PTPRD: variants seen among roughly 807,000 people sequenced by gnomAD.
The protein encoded by PTPRD is protein tyrosine phosphatase receptor type D.
A neutral mutation model predicts 214.5 loss-of-function variants in PTPRD; 34 were observed. That is an observed-to-expected ratio of 0.16 (90% CI 0.12 to 0.21). PTPRD has a LOEUF of 0.21. Among genes scored for constraint, PTPRD ranks in the 10% least tolerant of loss-of-function variants. PTPRD has a pLI of 1.00. For missense variants in PTPRD, 2,545 were observed against 2,398.7 expected (o/e 1.06, Z -1.27); for synonymous variants, 1,128 against 845.7 (o/e 1.33, Z -5.79).
intron 8 of PTPRD, among the ~76,000 whole-genome samples, chr9:9,558,418 G>A (rs1257367223): frequency 1.3e-5 from 2 of 152,100 alleles, no homozygotes; most frequent in Non-Finnish European, 2.9e-5. Flanking sequence ...CCACCCCTTT[G>A]GCCGAGGGAG....
chr9:8,928,851 T>A (rs908032353), intron 11 of PTPRD, among the ~76,000 whole-genome samples: 1 of 152,188 alleles, frequency 6.6e-6, no homozygotes, highest in Non-Finnish European at 1.5e-5. Context: ...TTTGTTTGTG[T>A]CCTCTCTTAT....
At position 8,852,578 on chromosome 9, in the gene PTPRD, G is replaced by A. The variant is rs114473087; in HGVS notation, c.-103-118632C>T. On this transcript the variant is annotated intron_variant, in intron 11 of 45. Coordinates refer to ENST00000381196, the MANE Select transcript of PTPRD (RefSeq NM_002839.4). ...GGTTTGCTCGTCGCAGGTGAAGAGGGAAGAACATAAGTTGTCTCAATACTA... is the reference window on the plus strand; with the variant it reads ...GGTTTGCTCGTCGCAGGTGAAGAGGAAAGAACATAAGTTGTCTCAATACTA... Among the ~76,000 whole-genome samples, 1,492 of 152,264 alleles carry A rather than the reference G, an allele frequency of 9.8e-3. 27 individuals carry two copies. The highest frequency in any genetic ancestry group is 0.034 in the African/African-American group (1,420 of 41,546).
At chr9:8,953,985 G>A (rs749726489) in intron 11 of PTPRD, among the ~76,000 whole-genome samples, 3 of 151,916 alleles carry the variant, frequency 2.0e-5, no homozygotes, top group East Asian at 1.9e-4. Context: ...CAGGAATCCC[G>A]TTACTAGTTA....
intron 10 of PTPRD, among the ~76,000 whole-genome samples, chr9:9,142,134 G>T (rs1183104067): frequency 6.6e-6 from 1 of 152,234 alleles, no homozygotes; most frequent in Non-Finnish European, 1.5e-5. Context: ...ACAAGTGTGG[G>T]TTGTGGACAG....
chr9:10,611,138 G>A (rs986110297), intron 2 of PTPRD, among the ~76,000 whole-genome samples: 10 of 152,062 alleles, frequency 6.6e-5, no homozygotes, highest in African/African-American at 1.9e-4. Context: ...TTATTAAAAA[G>A]TATGTATTAT....
intron 7 of PTPRD, among the ~76,000 whole-genome samples, chr9:9,726,134 A>C (rs552983654): frequency 6.6e-6 from 1 of 152,334 alleles, no homozygotes; most frequent in East Asian, 1.9e-4. Flanking sequence ...ACATTGCTAT[A>C]ATACCAAGAA....
At chr9:8,993,892 G>A (rs2099386872) in intron 11 of PTPRD, among the ~76,000 whole-genome samples, 1 of 152,076 alleles carries the variant, frequency 6.6e-6, no homozygotes, top group African/African-American at 2.4e-5. Context: ...GTAAACATGA[G>A]CAAATGACAA....
chr9:8,718,220 G>A (rs986869177), intron 12 of PTPRD, among the ~76,000 whole-genome samples: 4 of 152,154 alleles, frequency 2.6e-5, no homozygotes, highest in African/African-American at 9.7e-5. Flanking sequence ...AAGCAATCTA[G>A]TGGCCTGAGT....
intron 9 of PTPRD, among the ~76,000 whole-genome samples, chr9:9,186,629 TCC>T (rs1229612280): frequency 5.8e-5 from 3 of 51,842 alleles, no homozygotes; most frequent in East Asian, 4.4e-4. Flanking sequence ...TCTCTGTCTC[TCC>T]CTCTCTCTCT....
chr9:9,981,426 C>A (rs1178596800), intron 4 of PTPRD, among the ~76,000 whole-genome samples: 1 of 150,176 alleles, frequency 6.7e-6, no homozygotes, highest in African/African-American at 2.5e-5. Flanking sequence ...ACGATCTCGG[C>A]TCAGTGCAAG....
At chr9:9,677,706 A>G (rs1211971079) in intron 7 of PTPRD, among the ~76,000 whole-genome samples, 1 of 152,046 alleles carries the variant, frequency 6.6e-6, no homozygotes, top group African/African-American at 2.4e-5. Context: ...ATAGTGTTGG[A>G]AGTTCTGGCC....
intron 11 of PTPRD, among the ~76,000 whole-genome samples, chr9:8,882,387 C>T (rs1320631825): frequency 6.6e-6 from 1 of 152,164 alleles, no homozygotes; most frequent in Non-Finnish European, 1.5e-5. Context: ...TTGTAGACCA[C>T]AGTTTTGTAG....
Position 8,317,042 on chromosome 9 carries a change from A to T in PTPRD, c.*832T>A, listed in dbSNP as rs899342844. 59 of 231,612 alleles carry T rather than the reference A, an allele frequency of 2.5e-4. 3 individuals carry two copies. Among genetic ancestry groups the T allele is most frequent in the South Asian group, 1.8e-4 (1 of 5,514 alleles). 14.3% of individuals were successfully genotyped at this position (231,612 alleles called of 1,614,324 possible). A position where few individuals can be genotyped will look rare whatever the true frequency, so the allele number is the denominator to read the frequency against. On this transcript the variant is annotated 3_prime_UTR_variant, in exon 46 of 46. Coordinates refer to ENST00000381196, the MANE Select transcript of PTPRD (RefSeq NM_002839.4). ...CTGTTGATTCCAAAAACAAAACAAAATAATAATTATCTTTGATTATTTGAA... is the reference window on the plus strand; with the variant it reads ...CTGTTGATTCCAAAAACAAAACAAATTAATAATTATCTTTGATTATTTGAA...
At position 8,404,600 on chromosome 9, in the gene PTPRD, T is replaced by G; in HGVS notation, c.4147A>C (p.Lys1383Gln). The G allele has an allele frequency of 6.2e-7, 1 of 1,613,692 alleles. No homozygotes were observed. Among genetic ancestry groups the G allele is most frequent in the Non-Finnish European group, 8.5e-7 (1 of 1,179,684 alleles). Residue 1383 changes from lysine (K) to glutamine (Q), a missense_variant, in exon 36 of 46, where the codon AAG becomes CAG. Coordinates refer to ENST00000381196, the MANE Select transcript of PTPRD (RefSeq NM_002839.4). ...GCGATTACATTCGCGTATCTATTCT[T>G]TGGTTTGTTTACTTCCAAGTTTGAA... ...EHSNLEVNKP[K>Q]NRYANVIAYD...
chr9:8,504,046 G>C (rs1480530387), intron 23 of PTPRD, among the ~76,000 whole-genome samples: 1 of 152,154 alleles, frequency 6.6e-6, no homozygotes, highest in Non-Finnish European at 1.5e-5. Context: ...AAGTCTTTCA[G>C]TGTAGGAAGT....
chr9:10,251,474 T>C (rs1319392891), intron 3 of PTPRD, among the ~76,000 whole-genome samples: 3 of 152,116 alleles, frequency 2.0e-5, no homozygotes, highest in Admixed American at 6.6e-5. Context: ...TGTATCTTCA[T>C]TTCGAGTTAT....
At chr9:8,716,158 G>C (rs1324980146) in intron 12 of PTPRD, among the ~76,000 whole-genome samples, 1 of 152,184 alleles carries the variant, frequency 6.6e-6, no homozygotes, top group African/African-American at 2.4e-5. Flanking sequence ...CTTGACTCCA[G>C]AGGATGGATG....
intron 5 of PTPRD, among the ~76,000 whole-genome samples, chr9:9,786,557 T>C (rs973199223): frequency 6.6e-6 from 1 of 152,168 alleles, no homozygotes; most frequent in African/African-American, 2.4e-5. Context: ...TAAATCACAG[T>C]GGACATTCCC....
In PTPRD at chr9:9,866,153, A is replaced by C. The variant is rs1002319466; in HGVS notation, c.-368+72354T>G. Among the ~76,000 whole-genome samples, 28 of 152,194 alleles carry C rather than the reference A, an allele frequency of 1.8e-4. 1 individual carries two copies. Among genetic ancestry groups the C allele is most frequent in the African/African-American group, 5.1e-4 (21 of 41,446 alleles). ...AGTTAAGGTTATATCCATTTTCTAA[A>C]ATATGTCTAAGTTGATTTTTATTCC... On this transcript the variant is annotated intron_variant, in intron 5 of 45. Transcript: ENST00000381196.
Sources: allele counts gnomAD v4.1 joint callset (sites outside exome capture counted in the v4.1 genomes callset), GRCh38; gene constraint gnomAD v4.1.1; transcripts MANE v1.5; gene names NCBI Gene and HGNC (gene_info 2026-07-23, HGNC 2026-07-21).